PKNOX2: variants seen among roughly 807,000 people sequenced by gnomAD.
PKNOX2 encodes the protein homeobox protein PKNOX2.
PKNOX2 carries 14 observed loss-of-function variants against 53.1 expected under a neutral mutation model. The ratio of observed to expected loss-of-function variants is 0.26; its 90% confidence interval spans 0.17 to 0.41. The LOEUF (loss-of-function observed/expected upper bound fraction) is 0.41, where lower values mean the gene tolerates loss of function less well. Among genes scored for constraint, PKNOX2 ranks in the 10% least tolerant of loss-of-function variants. The pLI, the probability that PKNOX2 is intolerant of heterozygous loss-of-function variation, is 1.00. For synonymous variants in PKNOX2, 257 were observed against 242.8 expected (o/e 1.06, Z -0.54); for missense variants, 496 against 602.8 (o/e 0.82, Z 1.85).
intron 1 of PKNOX2, among the ~76,000 whole-genome samples, chr11:125,209,290 G>A (rs112684446): frequency 0.021 from 3,180 of 152,092 alleles, 126 homozygotes; most frequent in African/African-American, 0.073. Context: ...TGTATGCTGG[G>A]CCAGTGTTCT....
intron 4 of PKNOX2, among the ~76,000 whole-genome samples, chr11:125,355,716 T>C (rs1158610623): frequency 1.3e-5 from 2 of 152,064 alleles, no homozygotes; most frequent in Non-Finnish European, 2.9e-5. Context: ...GACCCTTCCA[T>C]TTGCTACTAT....
At chr11:125,266,748 T>C (rs1945377430) in intron 2 of PKNOX2, 1 of 152,162 alleles carries the variant, frequency 6.6e-6, no homozygotes, top group Admixed American at 6.5e-5. Flanking sequence ...GCCCTTTCCT[T>C]ACAGCAGCAA....
intron 1 of PKNOX2, among the ~76,000 whole-genome samples, chr11:125,225,336 G>C (rs1941598772): frequency 6.6e-6 from 1 of 152,220 alleles, no homozygotes; most frequent in African/African-American, 2.4e-5. Flanking sequence ...CCCCAGCCTA[G>C]TGAAGGATCT....
At chr11:125,334,879 C>G (rs2136125501) in intron 3 of PKNOX2, among the ~76,000 whole-genome samples, 1 of 152,256 alleles carries the variant, frequency 6.6e-6, no homozygotes, top group African/African-American at 2.4e-5. Context: ...GCTGTGATTA[C>G]AGGCATGAGC....
At chr11:125,411,264 T>C (rs891878233) in intron 9 of PKNOX2, 4 of 302,162 alleles carry the variant, frequency 1.3e-5, no homozygotes, top group Admixed American at 4.7e-5. Flanking sequence ...AGACTTCTTA[T>C]TGATAAAAGG....
chr11:125,253,035 C>T (rs1020662241), intron 2 of PKNOX2, among the ~76,000 whole-genome samples: 1 of 152,152 alleles, frequency 6.6e-6, no homozygotes, highest in Non-Finnish European at 1.5e-5. Context: ...TGTCATTGCA[C>T]AGTCAAGAAC....
chr11:125,251,402 T>C (rs1201104176), intron 2 of PKNOX2, among the ~76,000 whole-genome samples: 1 of 152,310 alleles, frequency 6.6e-6, no homozygotes, highest in East Asian at 1.9e-4. Flanking sequence ...AAGGCTAATG[T>C]ATTCTCAGCT....
chr11:125,183,604 G>C (rs1384758312), intron 1 of PKNOX2, among the ~76,000 whole-genome samples: 3 of 151,912 alleles, frequency 2.0e-5, no homozygotes, highest in Non-Finnish European at 4.4e-5. Context: ...TCTAATGGAG[G>C]GTAAACTATG....
intron 2 of PKNOX2, among the ~76,000 whole-genome samples, chr11:125,272,427 A>G (rs192411419): frequency 9.6e-4 from 146 of 152,318 alleles, no homozygotes; most frequent in African/African-American, 3.3e-3. Flanking sequence ...CCAGTTTCAC[A>G]ATTGAGAGGA....
At chr11:125,172,333 G>GAGTTGGTGCATGAGGCAAACAAATC (rs1955387637) in intron 1 of PKNOX2, among the ~76,000 whole-genome samples, 1 of 152,174 alleles carries the variant, frequency 6.6e-6, no homozygotes, top group African/African-American at 2.4e-5. Flanking sequence ...TTAGACCAAT[G>GAGTTGGTGCATGAGGCAAACAAATC]AGTTGGTGCA....
At chr11:125,279,477 A>G (rs904348148) in intron 2 of PKNOX2, among the ~76,000 whole-genome samples, 1 of 152,220 alleles carries the variant, frequency 6.6e-6, no homozygotes, top group Admixed American at 6.5e-5. Flanking sequence ...TGGCAGCACC[A>G]GAGTGAGAGC....
At chr11:125,409,719 C>T (rs1955377604) in intron 7 of PKNOX2, among the ~76,000 whole-genome samples, 2 of 151,960 alleles carry the variant, frequency 1.3e-5, no homozygotes, top group Non-Finnish European at 2.9e-5. Flanking sequence ...AGGTGCCGAC[C>T]AGGTGAAGCC....
chr11:125,178,135 C>A (rs1480991138), intron 1 of PKNOX2, among the ~76,000 whole-genome samples: 1 of 152,156 alleles, frequency 6.6e-6, no homozygotes, highest in Non-Finnish European at 1.5e-5. Context: ...ATCCCAACCA[C>A]TGTATTTTAT....
intron 5 of PKNOX2, among the ~76,000 whole-genome samples, chr11:125,381,263 G>A (rs770280846): frequency 1.3e-5 from 2 of 152,150 alleles, no homozygotes; most frequent in African/African-American, 2.4e-5. Flanking sequence ...TCTGGGATGG[G>A]ATGGGAGGAG....
At chr11:125,372,867 C>T (rs1234524394) in intron 5 of PKNOX2, among the ~76,000 whole-genome samples, 1 of 152,226 alleles carries the variant, frequency 6.6e-6, no homozygotes, top group African/African-American at 2.4e-5. Flanking sequence ...CCACATGGGA[C>T]CACCAGAGAG....
chr11:125,362,436 C>T (rs780649739), intron 4 of PKNOX2, among the ~76,000 whole-genome samples: 10 of 152,046 alleles, frequency 6.6e-5, no homozygotes, highest in Non-Finnish European at 1.3e-4. Context: ...CACAGTGGTA[C>T]GACCATAGTT....
At chr11:125,169,188 A>T (rs1230550975) in intron 1 of PKNOX2, among the ~76,000 whole-genome samples, 1 of 152,236 alleles carries the variant, frequency 6.6e-6, no homozygotes, top group African/African-American at 2.4e-5. Context: ...GGTGAAAACG[A>T]TGCTGCAGAG....
intron 1 of PKNOX2, among the ~76,000 whole-genome samples, chr11:125,189,473 A>G (rs1387103737): frequency 4.8e-5 from 6 of 125,766 alleles, no homozygotes; most frequent in African/African-American, 1.2e-4. Context: ...ATATATATAT[A>G]TATATATATA....
At chr11:125,249,934 G>T (rs773813331) in intron 2 of PKNOX2, among the ~76,000 whole-genome samples, 1 of 151,912 alleles carries the variant, frequency 6.6e-6, no homozygotes, top group Non-Finnish European at 1.5e-5. Context: ...GTGTGGTGGC[G>T]CATGCCTGCA....
Sources: allele counts gnomAD v4.1 joint callset (sites outside exome capture counted in the v4.1 genomes callset), GRCh38; gene constraint gnomAD v4.1.1; transcripts MANE v1.5; gene names NCBI Gene and HGNC (gene_info 2026-07-23, HGNC 2026-07-21).